The following VAV3 variants were observed in gnomAD, a reference collection of about 807,000 sequenced individuals.
VAV3 encodes vav guanine nucleotide exchange factor 3, also known as guanine nucleotide exchange factor VAV3.
In VAV3, 94 loss-of-function variants were observed where a neutral mutation model predicts 131.2. The observed-to-expected ratio is 0.72, with a 90% CI of 0.61 to 0.85. VAV3 has a LOEUF of 0.85. Ranked by LOEUF, VAV3 falls within the 40% of genes least tolerant of loss-of-function variation. The probability of loss-of-function intolerance (pLI) is 0.00; values close to 1 mark genes in which losing one functional copy is unlikely to be tolerated. For missense variants in VAV3, 939 were observed against 1,002.7 expected, an observed-to-expected ratio of 0.94 and a Z score of 0.86; for synonymous variants, 349 against 342.0, an observed-to-expected ratio of 1.02 and a Z score of -0.22.
intron 7 of VAV3, 54 bp downstream of exon 7, chr1:107,768,387 A>G: frequency 7.3e-7 from 1 of 1,364,666 alleles, no homozygotes; most frequent in South Asian, 1.3e-5. Context: ...CCCCTAAGGA[A>G]ATGAAGATTT....
intron 1 of VAV3, 118 bp downstream of exon 1, chr1:107,964,548 G>T: frequency 8.6e-7 from 1 of 1,165,606 alleles, no homozygotes; most frequent in Non-Finnish European, 1.2e-6. Flanking sequence ...CAAAGCAGAA[G>T]GCTGGGAAGC....
intron 1 of VAV3, among the ~76,000 whole-genome samples, chr1:107,954,356 A>C (rs1374495539): frequency 6.6e-6 from 1 of 152,116 alleles, no homozygotes. Flanking sequence ...CACAGTATTA[A>C]AAGGCTAAAA....
chr1:107,690,150 AT>A (rs932085787), intron 17 of VAV3, among the ~76,000 whole-genome samples: 2 of 152,006 alleles, frequency 1.3e-5, no homozygotes, highest in Admixed American at 1.3e-4. Flanking sequence ...AAAAATAATT[AT>A]TTTTTTCTGA....
intron 2 of VAV3, among the ~76,000 whole-genome samples, chr1:107,824,862 A>G (rs1667945841): frequency 6.6e-6 from 1 of 152,118 alleles, no homozygotes; most frequent in Non-Finnish European, 1.5e-5. Context: ...ATAAAAAGCA[A>G]TATTAACCAA....
At chr1:107,927,780 AC>A (rs757551502) in intron 1 of VAV3, among the ~76,000 whole-genome samples, 75 of 152,268 alleles carry the variant, frequency 4.9e-4, no homozygotes, top group Admixed American at 9.8e-4. Context: ...ACACAGGTAG[AC>A]TTCTAAGATT....
In VAV3 at chr1:107,928,666, T is replaced by C. The variant is rs76766761; in HGVS notation, c.204+36000A>G. ...ATCAGAATTGTTTAAGCAGAATTAGTGAGCTTGACAGCAGGCTAGCTGAAA... is the reference window on the plus strand; with the variant it reads ...ATCAGAATTGTTTAAGCAGAATTAGCGAGCTTGACAGCAGGCTAGCTGAAA... On this transcript the variant is annotated intron_variant, in intron 1 of 26. Coordinates refer to ENST00000370056, the MANE Select transcript of VAV3 (RefSeq NM_006113.5). 2.4e-3 allele frequency among the ~76,000 whole-genome samples: 369 copies of C among 152,270 alleles called. 1 individual carries two copies. The highest frequency in any genetic ancestry group is 6.4e-3 in the Admixed American group (98 of 15,292).
intron 1 of VAV3, among the ~76,000 whole-genome samples, chr1:107,926,137 C>T (rs1253808775): frequency 6.6e-6 from 1 of 151,882 alleles, no homozygotes; most frequent in Non-Finnish European, 1.5e-5. Context: ...CAAAAATTAG[C>T]CAGGCATGGT....
intron 19 of VAV3, among the ~76,000 whole-genome samples, chr1:107,644,222 T>G (rs1222445104): frequency 6.6e-6 from 1 of 152,154 alleles, no homozygotes; most frequent in Non-Finnish European, 1.5e-5. Flanking sequence ...ATTAAGTTGC[T>G]ACTGCTAATT....
intron 19 of VAV3, among the ~76,000 whole-genome samples, chr1:107,666,645 C>A (rs1312478590): frequency 1.3e-5 from 2 of 151,362 alleles, no homozygotes; most frequent in Non-Finnish European, 2.9e-5. Context: ...TCTCAGCTCA[C>A]TGCAACCTCT....
At chr1:107,667,109 T>C (rs1434197682) in intron 19 of VAV3, among the ~76,000 whole-genome samples, 2 of 152,220 alleles carry the variant, frequency 1.3e-5, no homozygotes, top group African/African-American at 4.8e-5. Flanking sequence ...GCTGCCTCTA[T>C]AGGTTTTAGC....
At chr1:107,879,485 T>C (rs925895108) in intron 1 of VAV3, among the ~76,000 whole-genome samples, 3 of 152,204 alleles carry the variant, frequency 2.0e-5, no homozygotes, top group Admixed American at 6.5e-5. Flanking sequence ...TTGAGATAAC[T>C]GAAGAAAACT....
At chr1:107,900,665 T>G (rs1453884052) in intron 1 of VAV3, among the ~76,000 whole-genome samples, 1 of 152,192 alleles carries the variant, frequency 6.6e-6, no homozygotes, top group Non-Finnish European at 1.5e-5. Context: ...AGCAGTGTGA[T>G]TGATACTGTA....
chr1:107,960,974 A>G (rs1157637488), intron 1 of VAV3, among the ~76,000 whole-genome samples: 2 of 151,656 alleles, frequency 1.3e-5, no homozygotes, highest in Non-Finnish European at 2.9e-5. Context: ...AATAAATTAT[A>G]CAGTCATTTA....
At chr1:107,615,682 T>C (rs1434481893) in intron 21 of VAV3, among the ~76,000 whole-genome samples, 1 of 152,134 alleles carries the variant, frequency 6.6e-6, no homozygotes, top group Non-Finnish European at 1.5e-5. Flanking sequence ...TGGGAGACAA[T>C]ATTTGTAAAC....
chr1:107,655,840 T>C (rs548767724), intron 19 of VAV3, among the ~76,000 whole-genome samples: 9 of 152,190 alleles, frequency 5.9e-5, no homozygotes, highest in Middle Eastern at 3.4e-3. Flanking sequence ...TCAACAGGTA[T>C]ATGAAAAATT....
intron 15 of VAV3, among the ~76,000 whole-genome samples, chr1:107,712,792 T>C (rs899822797): frequency 6.6e-6 from 1 of 152,158 alleles, no homozygotes; most frequent in Admixed American, 6.5e-5. Flanking sequence ...GAGAAGAACA[T>C]TTAAATAATT....
intron 19 of VAV3, 21 bp from the exon 20 acceptor site, chr1:107,642,776 T>TTTTA (rs1410843137): frequency 2.5e-6 from 4 of 1,612,528 alleles, no homozygotes; most frequent in Admixed American, 1.7e-5. Flanking sequence ...GCCAAACAAG[T>TTTTA]TTTAGAATTG....
chr1:107,749,831 A>G (rs1265221544), intron 13 of VAV3, among the ~76,000 whole-genome samples: 1 of 152,304 alleles, frequency 6.6e-6, no homozygotes, highest in East Asian at 1.9e-4. Flanking sequence ...GGCAAAAATC[A>G]TAGTAAGAGT....
chr1:107,946,164 T>G (rs1261463608), intron 1 of VAV3, among the ~76,000 whole-genome samples: 3 of 152,084 alleles, frequency 2.0e-5, no homozygotes, highest in Non-Finnish European at 4.4e-5. Context: ...TGAGGTAGAA[T>G]ACACATAGGG....
Sources: allele counts gnomAD v4.1 joint callset (sites outside exome capture counted in the v4.1 genomes callset), GRCh38; gene constraint gnomAD v4.1.1; transcripts MANE v1.5; gene names NCBI Gene and HGNC (gene_info 2026-07-23, HGNC 2026-07-21).